The following IRAK4 variants were observed in gnomAD, a reference collection of about 807,000 sequenced individuals.
IRAK4 encodes the protein interleukin-1 receptor-associated kinase 4.
A neutral mutation model predicts 51.8 loss-of-function variants in IRAK4; 44 were observed. The ratio of observed to expected loss-of-function variants is 0.85; its 90% CI spans 0.67 to 1.09. The LOEUF (loss-of-function observed/expected upper bound fraction) is 1.09, where lower values mean the gene tolerates loss of function less well. Among genes scored for constraint, IRAK4 ranks in the 50% least tolerant of loss-of-function variants. The pLI is 0.00. For missense variants in IRAK4, 487 were observed against 538.0 expected, an observed-to-expected ratio of 0.91 and a Z score of 0.94; for synonymous variants, 149 against 174.1, an observed-to-expected ratio of 0.86 and a Z score of 1.13.
Position 43,778,346 on chromosome 12 carries a change from G to T in IRAK4, c.941+44G>T. 4 of 1,079,874 alleles carry T rather than the reference G, an allele frequency of 3.7e-6. No homozygotes were observed. The South Asian group carries it at 3.8e-5, about 10-fold the overall frequency. 66.9% of individuals were successfully genotyped at this position (1,079,874 alleles called of 1,614,324 possible). On this transcript the variant is annotated intron_variant, in intron 8 of 11. Coordinates refer to ENST00000613694, the MANE Select transcript of IRAK4 (RefSeq NM_016123.4). The stretch of plus-strand genomic sequence containing the variant: ...AAGTTTTTGGAAAGCTGTCTTTAAA[G>T]AATAATTTGCTGTCACTCTATTCAC...
chr12:43,786,432 A>C lies in IRAK4; in HGVS notation c.1222A>C (p.Lys408Gln), dbSNP rs547810966. The C allele has an allele frequency of 6.2e-7, 1 of 1,600,478 alleles. No homozygotes were observed. Among genetic ancestry groups the C allele is most frequent in the South Asian group, 1.1e-5 (1 of 87,800 alleles). Residue 408 changes from lysine (K) to glutamine (Q), a missense_variant, in exon 11 of 12, where the codon AAG (lysine) becomes CAG (glutamine). Transcript: ENST00000613694. ...TAAAGAAGAAATTGAAGATGAAGAAAAGACAATTGAAGATTATATTGATAA... is the reference window on the plus strand; with the variant it reads ...TAAAGAAGAAATTGAAGATGAAGAACAGACAATTGAAGATTATATTGATAA... ...DIKEEIEDEE[K>Q]TIEDYIDKKM...
Position 43,782,355 on chromosome 12 carries a change from T to C in IRAK4, c.990T>C (p.Phe330=), listed in dbSNP as rs749864140. 2.2e-5 allele frequency: 36 copies of C among 1,613,792 alleles called. No homozygotes were observed. The highest frequency in any genetic ancestry group is 2.9e-5 in the Non-Finnish European group (34 of 1,179,794). ...CTTTTACTGCTAAAATATCTGACTT[T>C]GGCCTTGCACGGGCTTCTGAGAAGT... The part of the protein sequence containing the change: ...DEAFTAKISD[F]GLARASEKFA... Residue 330 remains phenylalanine, a synonymous_variant, in exon 9 of 12, where the codon TTT becomes TTC. Coordinates refer to ENST00000613694, the MANE Select transcript of IRAK4 (RefSeq NM_016123.4).
intron 6 of IRAK4, among the ~76,000 whole-genome samples, chr12:43,775,945 G>A (rs1437686493): frequency 7.0e-6 from 1 of 143,046 alleles, no homozygotes; most frequent in Non-Finnish European, 1.5e-5. Context: ...GCAGTGGTGC[G>A]ATCTTGGCTC....
intron 8 of IRAK4, 63 bp downstream of exon 8, chr12:43,778,365 T>A: frequency 1.1e-6 from 1 of 895,074 alleles, no homozygotes; most frequent in Non-Finnish European, 1.9e-6. Flanking sequence ...GCTGTCACTC[T>A]ATTCACGATT....
chr12:43,786,360 T>C, intron 10 of IRAK4, 39 bp from the exon 11 acceptor site: 1 of 1,291,302 alleles, frequency 7.7e-7, no homozygotes, highest in Non-Finnish European at 1.1e-6. Context: ...TCTTTCACTA[T>C]GATTTGAAGC....
chr12:43,770,477 G>A (rs906129545), intron 2 of IRAK4, among the ~76,000 whole-genome samples: 25 of 152,244 alleles, frequency 1.6e-4, no homozygotes, highest in African/African-American at 5.8e-4. Context: ...ACCTCTCCAA[G>A]CCTGGCTTTT....
At chr12:43,781,797 A>C (rs1941798883) in intron 8 of IRAK4, among the ~76,000 whole-genome samples, 1 of 152,238 alleles carries the variant, frequency 6.6e-6, no homozygotes, top group South Asian at 2.1e-4. Context: ...TAATGAATTA[A>C]TTGAGATATT....
intron 10 of IRAK4, 100 bp downstream of exon 10, chr12:43,783,824 G>A (rs1941988438): frequency 6.2e-6 from 5 of 802,478 alleles, no homozygotes; most frequent in Middle Eastern, 2.6e-4. Flanking sequence ...TTTTCTATTG[G>A]CAATCTTTCC....
intron 1 of IRAK4, among the ~76,000 whole-genome samples, chr12:43,761,748 A>G (rs1939582202): frequency 6.6e-6 from 1 of 152,220 alleles, no homozygotes; most frequent in Admixed American, 6.5e-5. Flanking sequence ...ACATTTGACA[A>G]GAATCTTTTG....
In IRAK4 at chr12:43,772,781, T is replaced by C. The variant is rs1416282045; in HGVS notation, c.491-131T>C. The C allele has an allele frequency of 5.6e-6, 4 of 720,298 alleles. No individual in the cohort carries two copies. The African/African-American group carries it at 7.2e-5, about 13-fold the overall frequency. 44.6% of individuals were successfully genotyped at this position (720,298 alleles called of 1,614,324 possible). A position where few individuals can be genotyped will look rare whatever the true frequency, so the allele number is the denominator to read the frequency against. ...ATAATTTGTATTTTAGAAATGGTTTTATCTTCTCTCATCTTGTCTAATTCA... is the reference window on the plus strand; with the variant it reads ...ATAATTTGTATTTTAGAAATGGTTTCATCTTCTCTCATCTTGTCTAATTCA... On this transcript the variant is annotated intron_variant, in intron 4 of 11. Transcript: ENST00000613694.
rs560729688 is a variant in IRAK4 at position 43,762,314 on chromosome 12, G to A, written c.-10+3298G>A. ...TATCACCTCTGCTGGAAGCCTGGGT[G>A]CAGGAGAGCTACCAAATTTATCCCT... On this transcript the variant is annotated intron_variant, in intron 1 of 11. Transcript: ENST00000613694. Among the ~76,000 whole-genome samples, 25 of 152,318 alleles carry A rather than the reference G, an allele frequency of 1.6e-4. No homozygotes were observed. The South Asian group carries it at 2.5e-3, about 15-fold the overall frequency.
chr12:43,768,024 G>A (rs1428347671), intron 1 of IRAK4, 79 bp from the exon 2 acceptor site: 2 of 1,016,806 alleles, frequency 2.0e-6, no homozygotes, highest in East Asian at 5.0e-5. Flanking sequence ...ATATGATATA[G>A]CAAAGTGTGA....
At position 43,778,250 on chromosome 12, in the gene IRAK4, A is replaced by G. The variant is rs556565376; in HGVS notation, c.889A>G (p.Asn297Asp). Residue 297 changes from asparagine (N) to aspartate (D), a missense_variant, in exon 8 of 12, where the codon AAT becomes GAT. Asn to Asp is a conservative substitution (Grantham distance 23, BLOSUM62 1). Transcript: ENST00000613694. ...ATGCAAGATTGCTCAGGGTGCAGCT[A>G]ATGGCATCAATTTTCTACATGAAAA... The part of the protein sequence containing the change: ...MRCKIAQGAA[N>D]GINFLHENHH... 13 of 1,611,368 alleles carry G rather than the reference A, an allele frequency of 8.1e-6. No individual in the cohort carries two copies. The Admixed American group carries it at 8.3e-5, about 10-fold the overall frequency.
At chr12:43,779,168 G>A (rs1478637918) in intron 8 of IRAK4, among the ~76,000 whole-genome samples, 1 of 152,106 alleles carries the variant, frequency 6.6e-6, no homozygotes, top group Non-Finnish European at 1.5e-5. Context: ...GGCAGCTGAG[G>A]AGGGAGGAGG....
At chr12:43,786,634 C>T (rs776431773) in intron 11 of IRAK4, 46 bp from the exon 12 acceptor site, 6 of 1,608,760 alleles carry the variant, frequency 3.7e-6, no homozygotes, top group Non-Finnish European at 5.1e-6. Context: ...TATTTTAAAG[C>T]AACTGTATAA....
In IRAK4 at chr12:43,786,521, G is replaced by A. The variant is rs759164006; in HGVS notation, c.1311G>A (p.Leu437=). Residue 437 remains leucine, a synonymous_variant, in exon 11 of 12, where the codon CTG becomes CTA. Transcript: ENST00000613694. ...TGTACTCTGTTGCTAGTCAATGTCT[G>A]CATGAAAAGAAAAATAAGAGACCAG... The part of the protein sequence containing the change: ...EAMYSVASQC[L]HEKKNKRPDI... The A allele has an allele frequency of 5.0e-6, 8 of 1,613,404 alleles. No homozygotes were observed. In the Admixed American group the frequency reaches 1.3e-4, roughly 27 times the overall value.
rs886049394 is a variant in IRAK4 at position 43,788,706 on chromosome 12, AT to A, written c.*1999del. ...AGGTGCCCGCCACCATGCCCAGCTA[AT>A]TTTTTTTGTATTTTTAGTAGAGATG... On this transcript the variant is annotated 3_prime_UTR_variant, in exon 12 of 12. Coordinates refer to ENST00000613694, the MANE Select transcript of IRAK4 (RefSeq NM_016123.4). The A allele has an allele frequency of 1.3e-5, 2 of 151,632 alleles. No individual in the cohort carries two copies. The highest frequency in any genetic ancestry group is 1.9e-4 in the East Asian group (1 of 5,154). 9.4% of individuals were successfully genotyped at this position (151,632 alleles called of 1,614,324 possible).
In IRAK4 at chr12:43,772,278, A is replaced by C. The variant is rs769345767; in HGVS notation, c.406A>C (p.Thr136Pro). The change falls in exon 4 of 12, where the codon ACA (threonine) becomes CCA (proline). Residue 136 changes from threonine (T) to proline (P), a missense_variant. By Grantham distance (38) the Thr-to-Pro change is conservative (BLOSUM62 -1). Coordinates refer to ENST00000613694, the MANE Select transcript of IRAK4 (RefSeq NM_016123.4). ...CTGTGACAAAGACAGGACATTGATG[A>C]CACCTGTGCAGAATCTTGAACAAAG... is the stretch of plus-strand genomic sequence containing the variant. ...PFCDKDRTLM[T>P]PVQNLEQSYM... 6.2e-7 allele frequency: 1 copy of C among 1,613,784 alleles called. No individual in the cohort carries two copies.
At position 43,782,365 on chromosome 12, in the gene IRAK4, C is replaced by A; in HGVS notation, c.1000C>A (p.Arg334=). Residue 334 remains arginine, a synonymous_variant, in exon 9 of 12, where the codon CGG becomes AGG. Coordinates refer to ENST00000613694, the MANE Select transcript of IRAK4 (RefSeq NM_016123.4). ...TAAAATATCTGACTTTGGCCTTGCA[C>A]GGGCTTCTGAGAAGTTTGCCCAGAC... ...TAKISDFGLA[R]ASEKFAQTVM... is the part of the protein sequence containing the mutation. 1 of 1,613,508 alleles carries A rather than the reference C, an allele frequency of 6.2e-7. No individual in the cohort carries two copies. The highest frequency in any genetic ancestry group is 1.7e-5 in the Admixed American group (1 of 60,008).
Sources: gnomAD v4.1 joint callset for allele counts (sites outside exome capture counted in the v4.1 genomes callset) on GRCh38, gnomAD v4.1.1 for gene constraint, MANE v1.5 for transcripts, NCBI Gene and HGNC (gene_info 2026-07-23, HGNC 2026-07-21) for gene names.